The following OSBPL10 variants were observed in gnomAD, a reference collection of about 807,000 sequenced individuals.
The protein encoded by OSBPL10 is oxysterol binding protein like 10.
OSBPL10 carries 49 observed loss-of-function variants against 81.7 expected under a neutral mutation model. That is an observed-to-expected ratio of 0.60 (90% CI 0.48 to 0.76). OSBPL10 has a LOEUF of 0.76. Ranked by LOEUF, OSBPL10 falls within the 30% of genes least tolerant of loss-of-function variation. The pLI is 0.00. For missense variants in OSBPL10, 923 were observed against 987.8 expected (o/e 0.93, Z 0.88); for synonymous variants, 419 against 383.6 (o/e 1.09, Z -1.08).
intron 2 of OSBPL10, among the ~76,000 whole-genome samples, chr3:32,010,937 G>A (rs531268569): frequency 1.8e-4 from 28 of 152,264 alleles, no homozygotes; most frequent in East Asian, 1.7e-3. Flanking sequence ...TAAACAAAGC[G>A]GCCAGGAAGC....
chr3:31,767,341 A>G (rs993880469), intron 4 of OSBPL10, among the ~76,000 whole-genome samples: 15 of 152,248 alleles, frequency 9.9e-5, no homozygotes, highest in African/African-American at 3.6e-4. Flanking sequence ...CTTGGAAAGT[A>G]CAGGATCTAA....
At chr3:32,042,388 G>T (rs1008420132) in intron 2 of OSBPL10, among the ~76,000 whole-genome samples, 2 of 152,204 alleles carry the variant, frequency 1.3e-5, no homozygotes, top group Non-Finnish European at 2.9e-5. Flanking sequence ...AGCAGTGGTA[G>T]TGAAACAATG....
intron 1 of OSBPL10, among the ~76,000 whole-genome samples, chr3:31,882,799 TAAGA>T (rs1289275552): frequency 1.3e-5 from 2 of 152,106 alleles, no homozygotes; most frequent in African/African-American, 4.8e-5. Context: ...ACTATATTAA[TAAGA>T]AAGAAACTTT....
At chr3:31,864,166 G>A (rs1259541553) in intron 3 of OSBPL10, among the ~76,000 whole-genome samples, 2 of 152,192 alleles carry the variant, frequency 1.3e-5, no homozygotes, top group Non-Finnish European at 2.9e-5. Flanking sequence ...GGTATATATG[G>A]GAGCACAGAG....
chr3:31,877,407 G>A (rs1193864670), intron 2 of OSBPL10, among the ~76,000 whole-genome samples: 3 of 152,144 alleles, frequency 2.0e-5, no homozygotes, highest in African/African-American at 7.2e-5. Context: ...AAGTAGTCAT[G>A]TTGTATAGTT....
At chr3:31,671,949 C>G (rs1292815771) in intron 8 of OSBPL10, among the ~76,000 whole-genome samples, 2 of 152,138 alleles carry the variant, frequency 1.3e-5, no homozygotes, top group Non-Finnish European at 2.9e-5. Context: ...CCATCCAATA[C>G]TTTGGCACTT....
chr3:31,808,737 T>G (rs7616672), intron 4 of OSBPL10, among the ~76,000 whole-genome samples: 2,206 of 152,382 alleles, frequency 0.014, 59 homozygotes, highest in African/African-American at 0.05. Context: ...TGTATCCCTC[T>G]CTTCGCTTTA....
chr3:31,903,471 G>C (rs529817614), intron 1 of OSBPL10, among the ~76,000 whole-genome samples: 1 of 151,854 alleles, frequency 6.6e-6, no homozygotes, highest in Non-Finnish European at 1.5e-5. Context: ...TGGGACCACA[G>C]GCCATACCAC....
chr3:32,046,004 C>T (rs987646426), intron 2 of OSBPL10: 1 of 152,216 alleles, frequency 6.6e-6, no homozygotes, highest in Admixed American at 6.5e-5. Flanking sequence ...ACCAGAATCT[C>T]GGTTCCGTTG....
chr3:31,845,512 A>T (rs1448550429), intron 3 of OSBPL10, among the ~76,000 whole-genome samples: 2 of 152,230 alleles, frequency 1.3e-5, no homozygotes, highest in Non-Finnish European at 2.9e-5. Flanking sequence ...ATGTGCAATT[A>T]TAGTGCTTTT....
chr3:31,764,458 G>C (rs1698141725), intron 4 of OSBPL10, among the ~76,000 whole-genome samples: 1 of 152,134 alleles, frequency 6.6e-6, no homozygotes, highest in Non-Finnish European at 1.5e-5. Flanking sequence ...GTGAAAGGAA[G>C]GGCGATTAAA....
intron 3 of OSBPL10, among the ~76,000 whole-genome samples, chr3:31,853,455 G>A (rs1455796350): frequency 6.6e-6 from 1 of 152,160 alleles, no homozygotes; most frequent in African/African-American, 2.4e-5. Flanking sequence ...CATCTAATTT[G>A]TACCACAGGC....
chr3:31,682,571 A>ATT (rs948772518), intron 8 of OSBPL10, among the ~76,000 whole-genome samples: 3 of 152,296 alleles, frequency 2.0e-5, no homozygotes, highest in Admixed American at 1.3e-4. Flanking sequence ...CTTTGCTCAA[A>ATT]TATCACCTTA....
chr3:31,974,881 A>G (rs1269928811), intron 1 of OSBPL10, among the ~76,000 whole-genome samples: 1 of 152,174 alleles, frequency 6.6e-6, no homozygotes, highest in Non-Finnish European at 1.5e-5. Context: ...ATTTACTCGC[A>G]AAACTCAGTT....
chr3:31,841,806 T>C (rs12497622), intron 3 of OSBPL10, among the ~76,000 whole-genome samples: 63,566 of 152,048 alleles, frequency 0.42, 14,360 homozygotes, highest in South Asian at 0.55. Flanking sequence ...GCTGTACTTA[T>C]TATTTTAATT....
intron 4 of OSBPL10, among the ~76,000 whole-genome samples, chr3:31,817,155 G>A (rs7642668): frequency 0.7 from 106,183 of 152,000 alleles, 37,533 homozygotes; most frequent in East Asian, 0.93. Context: ...TGGAAGAGGC[G>A]CCATGAGTCC....
chr3:31,848,052 C>G (rs1700675589), intron 3 of OSBPL10, among the ~76,000 whole-genome samples: 1 of 152,232 alleles, frequency 6.6e-6, no homozygotes, highest in Admixed American at 6.5e-5. Flanking sequence ...GAGCGGAGAG[C>G]AGGGACCCTG....
intron 7 of OSBPL10, among the ~76,000 whole-genome samples, chr3:31,692,814 G>A (rs999566038): frequency 6.6e-6 from 1 of 152,228 alleles, no homozygotes; most frequent in African/African-American, 2.4e-5. Context: ...TGGAGAGCTG[G>A]AATGAGAATC....
In OSBPL10 at chr3:32,019,131, A is replaced by AC. The variant is rs146008331; in HGVS notation, n.298+27359dup. The stretch of plus-strand genomic sequence containing the variant: ...CAGTTTTAGAACATCAACATCACCC[A>AC]CCCCCCCAAATTCCCTTGAATTAAT... On this transcript the variant is annotated intron_variant and non_coding_transcript_variant, in intron 2 of 3. Transcript: ENST00000479173. Among the ~76,000 whole-genome samples the AC allele has an allele frequency of 7.3e-3, 1,116 of 151,900 alleles. 47 individuals are homozygous for AC. In the East Asian group the frequency reaches 0.15, roughly 20 times the overall value.
Sources: allele counts gnomAD v4.1 joint callset (sites outside exome capture counted in the v4.1 genomes callset), GRCh38; gene constraint gnomAD v4.1.1; transcripts MANE v1.5; gene names NCBI Gene and HGNC (gene_info 2026-07-23, HGNC 2026-07-21).